The following CHD6 variants were observed in gnomAD, a reference collection of about 807,000 sequenced individuals.
The protein encoded by CHD6 is chromodomain helicase DNA binding protein 6.
Under a neutral mutation model 276.9 loss-of-function variants are expected in CHD6, and 50 were observed. The observed-to-expected ratio is 0.18, with a 90% CI of 0.14 to 0.23. The LOEUF (loss-of-function observed/expected upper bound fraction) is 0.23. Ranked by LOEUF, CHD6 falls within the 10% of genes least tolerant of loss-of-function variation. The pLI, the probability that CHD6 is intolerant of heterozygous loss-of-function variation, is 1.00. For missense variants in CHD6, 2,564 were observed against 3,365.8 expected (o/e 0.76, Z 5.89); for synonymous variants, 1,173 against 1,229.3 (o/e 0.95, Z 0.96).
chr20:41,582,106 A>G (rs1260402418), intron 1 of CHD6, among the ~76,000 whole-genome samples: 1 of 152,226 alleles, frequency 6.6e-6, no homozygotes, highest in Non-Finnish European at 1.5e-5. Context: ...AGGACTAAAA[A>G]TCATTAAATA....
intron 15 of CHD6, 83 bp downstream of exon 15, chr20:41,484,269 C>A: frequency 1.3e-6 from 2 of 1,486,438 alleles, no homozygotes; most frequent in Non-Finnish European, 1.9e-6. Context: ...AATGAAAATT[C>A]AATACATGAG....
rs769222778 is a variant in CHD6 at position 41,617,315 on chromosome 20, T to G, written c.-24+1025A>C. Among the ~76,000 whole-genome samples, 87 of 152,320 alleles carry G rather than the reference T, an allele frequency of 5.7e-4. 1 individual carries two copies. The highest frequency in any genetic ancestry group is 2.6e-3 in the Admixed American group (40 of 15,304). On this transcript the variant is annotated intron_variant, in intron 1 of 36. Coordinates refer to ENST00000373233, the MANE Select transcript of CHD6 (RefSeq NM_032221.5). ...TCAAAATTGAATTATACTGCCTTAT[T>G]AGATCCCACACGACTGAAACCACAG...
In CHD6 at chr20:41,404,610, T is replaced by C; in HGVS notation, c.8131A>G (p.Asn2711Asp). The C allele has an allele frequency of 2.7e-6, 4 of 1,491,752 alleles. No homozygotes were observed. Among genetic ancestry groups the C allele is most frequent in the Non-Finnish European group, 3.6e-6 (4 of 1,119,618 alleles). 92.4% of individuals were successfully genotyped at this position (1,491,752 alleles called of 1,614,324 possible). A position where few individuals can be genotyped will look rare whatever the true frequency, so the allele number is the denominator to read the frequency against. Residue 2711 changes from asparagine (N) to aspartate (D), a missense_variant, in exon 37 of 37, where the codon AAC becomes GAC. By Grantham distance (23) the Asn-to-Asp change is conservative (BLOSUM62 1). Coordinates refer to ENST00000373233, the MANE Select transcript of CHD6 (RefSeq NM_032221.5). ...AAAAAGTTCTAATTGGTGTCGTTGT[T>C]GGAGTCTTTGAGTGCCCCCTCCCCA... ...QAGEGALKDS[N>D]NDTN
chr20:41,452,451 C>T lies in CHD6; in HGVS notation c.3323+289G>A, dbSNP rs1053339160. Among the ~76,000 whole-genome samples, 8 of 152,212 alleles carry T rather than the reference C, an allele frequency of 5.3e-5. No homozygotes were observed. The highest frequency in any genetic ancestry group is 1.9e-4 in the African/African-American group (8 of 41,552). On this transcript the variant is annotated intron_variant, in intron 21 of 36. Transcript: ENST00000373233. This position sits in a 1 kb window ranked among gnomAD's most constrained non-coding sequence, Gnocchi z 4.2. Reference sequence around the variant, plus strand: ...TGTGTGGACTCCTTGTATATCCTTGCGGGGTGGGAGGAAGCAGGAAATCAG... The same window carrying T: ...TGTGTGGACTCCTTGTATATCCTTGTGGGGTGGGAGGAAGCAGGAAATCAG...
intron 16 of CHD6, among the ~76,000 whole-genome samples, chr20:41,478,000 C>T (rs2043204262): frequency 1.3e-5 from 2 of 152,114 alleles, no homozygotes; most frequent in Admixed American, 1.3e-4. Context: ...TAGTGGGAGC[C>T]CTTACTCTTT....
chr20:41,512,998 G>A lies in CHD6; in HGVS notation c.703-3C>T, dbSNP rs1225723266. ...ACTTGCCTTCCCGAGCGTCGTTTCT[G>A]TAGGGCAAACACACCCGTCAGAGAA... On this transcript the variant is annotated splice_polypyrimidine_tract_variant and splice_region_variant and intron_variant, in intron 4 of 36. Coordinates refer to ENST00000373233, the MANE Select transcript of CHD6 (RefSeq NM_032221.5). 3.1e-6 allele frequency: 5 copies of A among 1,613,974 alleles called. No individual in the cohort carries two copies. The highest frequency in any genetic ancestry group is 4.2e-6 in the Non-Finnish European group (5 of 1,179,904).
intron 25 of CHD6, among the ~76,000 whole-genome samples, chr20:41,443,753 C>T (rs1003169609): frequency 6.6e-5 from 10 of 152,176 alleles, no homozygotes; most frequent in South Asian, 2.1e-4. Flanking sequence ...GGAGGGGCAG[C>T]CCTTTCAAAG....
At chr20:41,470,446 C>A (rs911029919) in intron 17 of CHD6, among the ~76,000 whole-genome samples, 4 of 152,172 alleles carry the variant, frequency 2.6e-5, no homozygotes, top group African/African-American at 9.7e-5. Context: ...GAACTCCCAC[C>A]CTGCATCTTC....
intron 31 of CHD6, among the ~76,000 whole-genome samples, chr20:41,418,914 A>G (rs1056193830): frequency 6.6e-6 from 1 of 152,224 alleles, no homozygotes; most frequent in African/African-American, 2.4e-5. Context: ...CGCTGCCATC[A>G]AAGGACACCA....
intron 3 of CHD6, among the ~76,000 whole-genome samples, chr20:41,532,100 T>G (rs1358218546): frequency 6.6e-6 from 1 of 152,136 alleles, no homozygotes; most frequent in Admixed American, 6.5e-5. Flanking sequence ...AAATGAGAAA[T>G]ATAATATTTG....
chr20:41,521,233 T>A (rs1316944076), intron 3 of CHD6, among the ~76,000 whole-genome samples: 1 of 152,140 alleles, frequency 6.6e-6, no homozygotes, highest in African/African-American at 2.4e-5. Flanking sequence ...TAAAACCCCT[T>A]CCATTAATTG....
chr20:41,566,725 C>T (rs1185368777), intron 1 of CHD6, among the ~76,000 whole-genome samples: 4 of 152,128 alleles, frequency 2.6e-5, no homozygotes, highest in East Asian at 1.9e-4. Flanking sequence ...GGATGTTCAC[C>T]CTTTTCCCAA....
intron 27 of CHD6, among the ~76,000 whole-genome samples, chr20:41,432,290 A>C (rs908170720): frequency 6.6e-6 from 1 of 152,166 alleles, no homozygotes; most frequent in Admixed American, 6.5e-5. Flanking sequence ...CAGCCCAACA[A>C]TGCAGAAGAA....
chr20:41,555,377 C>G (rs2045215299), intron 1 of CHD6, among the ~76,000 whole-genome samples: 1 of 145,554 alleles, frequency 6.9e-6, no homozygotes, highest in Non-Finnish European at 1.5e-5. Context: ...CCCCCCACCT[C>G]CCTCCCGGAC....
Position 41,437,293 on chromosome 20 carries a change from TCTA to T in CHD6, c.4046_4048del (p.Val1349del). 6.2e-7 allele frequency: 1 copy of T among 1,613,698 alleles called. No homozygotes were observed. The highest frequency in any genetic ancestry group is 8.5e-7 in the Non-Finnish European group (1 of 1,179,678). ...ACTCACCGTTTGTTTCTGGAGGCCA[TCTA>T]CTTTGTCCTCAGCATTGTCTTCTTT... On this transcript the variant is annotated inframe_deletion, in exon 27 of 37. Coordinates refer to ENST00000373233, the MANE Select transcript of CHD6 (RefSeq NM_032221.5).
At chr20:41,512,736 G>T in intron 5 of CHD6, 110 bp downstream of exon 5, 2 of 1,225,918 alleles carry the variant, frequency 1.6e-6, no homozygotes, top group Non-Finnish European at 1.2e-6. Flanking sequence ...GCCACAAGCA[G>T]CAGTTAAAAT....
intron 1 of CHD6, among the ~76,000 whole-genome samples, chr20:41,555,156 G>C (rs2045207577): frequency 7.4e-6 from 1 of 135,432 alleles, no homozygotes; most frequent in Non-Finnish European, 1.6e-5. Context: ...CGGGCAGAGG[G>C]GCTCCTCACT....
chr20:41,466,334 T>C (rs1037542490), intron 17 of CHD6, among the ~76,000 whole-genome samples: 1 of 152,190 alleles, frequency 6.6e-6, no homozygotes, highest in Non-Finnish European at 1.5e-5. Flanking sequence ...TTATTTTTTT[T>C]CCCCGCTTAA....
chr20:41,423,151 A>C (rs907400542), intron 30 of CHD6, among the ~76,000 whole-genome samples: 28 of 152,256 alleles, frequency 1.8e-4, no homozygotes, highest in African/African-American at 6.8e-4. Flanking sequence ...AGGAAGGTGC[A>C]AAGTTCAGAG....
Sources: gnomAD v4.1 joint callset for allele counts (sites outside exome capture counted in the v4.1 genomes callset) on GRCh38, gnomAD v4.1.1 for gene constraint, Gnocchi (gnomAD v3.1) non-coding constraint, MANE v1.5 for transcripts, NCBI Gene and HGNC (gene_info 2026-07-23, HGNC 2026-07-21) for gene names.